The following INSR variants were observed in gnomAD, a reference collection of about 807,000 sequenced individuals.
The protein encoded by INSR is IR.
In INSR, 67 loss-of-function variants were observed where a neutral mutation model predicts 142.6. The ratio of observed to expected loss-of-function variants is 0.47; its 90% CI spans 0.39 to 0.58. The LOEUF is 0.58. INSR is among the 20% of genes least tolerant of loss of function. The pLI is 0.00. For missense variants in INSR, 1,248 were observed against 1,833.2 expected (o/e 0.68, Z 5.83); for synonymous variants, 756 against 743.1 (o/e 1.02, Z -0.28).
intron 12 of INSR, 39 bp downstream of exon 12, chr19:7,142,777 C>T: frequency 6.2e-7 from 1 of 1,611,550 alleles, no homozygotes; most frequent in African/African-American, 1.3e-5. Flanking sequence ...GCCTTGATGT[C>T]CCACCCATGA....
chr19:7,117,501 C>T (rs904445978), intron 21 of INSR, 91 bp from the exon 22 acceptor site: 13 of 886,034 alleles, frequency 1.5e-5, no homozygotes, highest in Non-Finnish European at 2.3e-5. Flanking sequence ...AGCCGACACC[C>T]ACGGACCACA....
chr19:7,262,552 C>T (rs191981549), intron 2 of INSR, among the ~76,000 whole-genome samples: 5 of 152,202 alleles, frequency 3.3e-5, no homozygotes, highest in Non-Finnish European at 5.9e-5. Context: ...GATGCGTCAA[C>T]AGCAGTGGCC....
chr19:7,177,081 G>A (rs1238097301), intron 3 of INSR, among the ~76,000 whole-genome samples: 1 of 152,158 alleles, frequency 6.6e-6, no homozygotes, highest in African/African-American at 2.4e-5. Context: ...ACAGCCCCCA[G>A]GAGTCCTTTG....
At chr19:7,237,855 A>G (rs1976212280) in intron 2 of INSR, among the ~76,000 whole-genome samples, 1 of 151,840 alleles carries the variant, frequency 6.6e-6, no homozygotes, top group South Asian at 2.1e-4. Flanking sequence ...ATTAAATTAA[A>G]TTAAATTTTT....
At chr19:7,190,332 T>C (rs1238078719) in intron 2 of INSR, among the ~76,000 whole-genome samples, 1 of 151,446 alleles carries the variant, frequency 6.6e-6, no homozygotes. Flanking sequence ...CCCTCACTAA[T>C]GGGTTAAATA....
chr19:7,150,712 G>A lies in INSR; in HGVS notation c.2232-180C>T, dbSNP rs1599908123. On this transcript the variant is annotated intron_variant, in intron 10 of 21. Coordinates refer to ENST00000302850, the MANE Select transcript of INSR (RefSeq NM_000208.4). This position sits in a 1 kb window ranked among gnomAD's most constrained non-coding sequence, Gnocchi z 4.2. The stretch of plus-strand genomic sequence containing the variant: ...TACATCTTCCCCAGCAGGTGCAGGG[G>A]TCCAGCAAGGGAAGGGGAAGAAATC... Among the ~76,000 whole-genome samples the A allele has an allele frequency of 6.6e-6, 1 of 152,166 alleles. No individual in the cohort carries two copies. The highest frequency in any genetic ancestry group is 1.9e-4 in the East Asian group (1 of 5,190).
intron 11 of INSR, among the ~76,000 whole-genome samples, chr19:7,145,924 G>T (rs578240500): frequency 1.6e-4 from 24 of 152,308 alleles, no homozygotes; most frequent in African/African-American, 5.1e-4. Flanking sequence ...TAGCTTGGCT[G>T]TTGGTTTAAC....
intron 1 of INSR, among the ~76,000 whole-genome samples, chr19:7,284,892 G>A (rs1568238640): frequency 6.6e-6 from 1 of 152,122 alleles, no homozygotes; most frequent in South Asian, 2.1e-4. Context: ...GCAAGAAGGT[G>A]GAATGCCCTC....
intron 21 of INSR, among the ~76,000 whole-genome samples, chr19:7,118,685 A>C (rs1161514990): frequency 2.6e-5 from 4 of 151,610 alleles, no homozygotes; most frequent in African/African-American, 4.9e-5. Context: ...TTGGGAAGCC[A>C]AGGTGGGTGG....
intron 19 of INSR, among the ~76,000 whole-genome samples, chr19:7,121,312 T>G (rs977385828): frequency 6.6e-6 from 1 of 152,138 alleles, no homozygotes; most frequent in Non-Finnish European, 1.5e-5. Context: ...AGATGTCTTT[T>G]TGAGTCATAA....
chr19:7,181,604 C>T (rs1447230510), intron 3 of INSR, among the ~76,000 whole-genome samples: 1 of 148,246 alleles, frequency 6.7e-6, no homozygotes. Flanking sequence ...TCTTGTCACA[C>T]TTGCCTGGGG....
At chr19:7,263,798 C>T (rs1977138548) in intron 2 of INSR, among the ~76,000 whole-genome samples, 1 of 152,106 alleles carries the variant, frequency 6.6e-6, no homozygotes, top group African/African-American at 2.4e-5. Flanking sequence ...TTTGGGAAGC[C>T]GAGGTGCTTG....
intron 2 of INSR, among the ~76,000 whole-genome samples, chr19:7,193,112 TTTTTTTC>T (rs1384774332): frequency 7.0e-6 from 1 of 142,050 alleles, no homozygotes; most frequent in African/African-American, 2.5e-5. Flanking sequence ...CAGTATTTCT[TTTTTTTC>T]TTTTTTTTTT....
chr19:7,135,059 G>T lies in INSR; in HGVS notation c.2683-2742C>A, dbSNP rs887498416. On this transcript the variant is annotated intron_variant, in intron 13 of 21. Transcript: ENST00000302850. ...GAACCGGGCTGGAACATTTAGGAGGGGGGTGGAGAGTGGAGAAGAGAAAGA... is the reference window on the plus strand; with the variant it reads ...GAACCGGGCTGGAACATTTAGGAGGTGGGTGGAGAGTGGAGAAGAGAAAGA... 4.7e-5 allele frequency among the ~76,000 whole-genome samples: 7 copies of T among 147,376 alleles called. No homozygotes were observed. In the East Asian group the frequency reaches 6.0e-4, roughly 13 times the overall value.
chr19:7,288,658 GAA>G (rs57281993), intron 1 of INSR, among the ~76,000 whole-genome samples: 2,711 of 97,060 alleles, frequency 0.028, 80 homozygotes, highest in African/African-American at 0.073. Context: ...ATAAAAATTG[GAA>G]AAAAAAAAAA....
intron 2 of INSR, among the ~76,000 whole-genome samples, chr19:7,231,301 T>TG (rs1975968336): frequency 2.0e-5 from 2 of 101,228 alleles, no homozygotes; most frequent in African/African-American, 5.5e-5. Context: ...TTTTGTTTTT[T>TG]TTTTTTTTTT....
intron 11 of INSR, among the ~76,000 whole-genome samples, chr19:7,144,959 T>G (rs550354490): frequency 6.6e-6 from 1 of 152,120 alleles, no homozygotes; most frequent in South Asian, 2.1e-4. Flanking sequence ...TTTTTTTTCT[T>G]TCTATGTTTG....
chr19:7,120,896 A>T, intron 19 of INSR, 147 bp from the exon 20 acceptor site: 4 of 924,406 alleles, frequency 4.3e-6, no homozygotes, highest in Non-Finnish European at 7.0e-6. Flanking sequence ...AAATCCAGTA[A>T]GAATGGATTC....
In INSR at chr19:7,223,207, A is replaced by G. The variant is rs561507788; in HGVS notation, c.653-38570T>C. 1.1e-4 allele frequency among the ~76,000 whole-genome samples: 16 copies of G among 152,186 alleles called. No homozygotes were observed. The South Asian group carries it at 3.1e-3, about 30-fold the overall frequency. On this transcript the variant is annotated intron_variant, in intron 2 of 21. Coordinates refer to ENST00000302850, the MANE Select transcript of INSR (RefSeq NM_000208.4). The stretch of plus-strand genomic sequence containing the variant: ...CAAAGACAAACAAACAAAAAAAACC[A>G]ACTGGCTAAAACTAAAGAGGTTACC...
Sources: allele counts gnomAD v4.1 joint callset (sites outside exome capture counted in the v4.1 genomes callset), GRCh38; gene constraint gnomAD v4.1.1; non-coding constraint Gnocchi (gnomAD v3.1); transcripts MANE v1.5; gene names NCBI Gene and HGNC (gene_info 2026-07-23, HGNC 2026-07-21).